Variants in SLCO2B1 observed in about 807,000 individuals in gnomAD.
SLCO2B1 encodes the protein solute carrier organic anion transporter family member 2B1.
A neutral mutation model predicts 67.3 loss-of-function variants in SLCO2B1; 41 were observed. That is an observed-to-expected ratio of 0.61 (90% confidence interval 0.47 to 0.79). The LOEUF (loss-of-function observed/expected upper bound fraction) is 0.79, where lower values mean the gene tolerates loss of function less well. Among genes scored for constraint, SLCO2B1 ranks in the 30% least tolerant of loss-of-function variants. SLCO2B1 has a pLI of 0.00. For synonymous variants in SLCO2B1, 379 were observed against 381.4 expected (o/e 0.99, Z 0.07); for missense variants, 837 against 920.1 (o/e 0.91, Z 1.17).
chr11:75,169,567 G>A (rs1949935487), intron 5 of SLCO2B1, 99 bp from the exon 6 acceptor site: 1 of 1,239,698 alleles, frequency 8.1e-7, no homozygotes, highest in Non-Finnish European at 1.1e-6. Context: ...TCCCTGACCA[G>A]GGGAGACAGA....
intron 4 of SLCO2B1, among the ~76,000 whole-genome samples, chr11:75,166,502 T>A (rs1438023613): frequency 6.6e-6 from 1 of 152,158 alleles, no homozygotes; most frequent in Non-Finnish European, 1.5e-5. Flanking sequence ...GGATGTCTCT[T>A]ACAGAATGAC....
At chr11:75,162,538 C>T (rs1276195883) in intron 1 of SLCO2B1, 117 bp from the exon 2 acceptor site, 3 of 1,092,154 alleles carry the variant, frequency 2.7e-6, no homozygotes, top group Non-Finnish European at 3.9e-6. Flanking sequence ...TCTCATCAAC[C>T]ACTAAGAACT....
At chr11:75,190,784 C>T (rs1945010447) in intron 8 of SLCO2B1, among the ~76,000 whole-genome samples, 1 of 152,146 alleles carries the variant, frequency 6.6e-6, no homozygotes, top group African/African-American at 2.4e-5. Context: ...TGGCCTCTAG[C>T]TGGGTGAGGC....
chr11:75,159,998 C>G (rs981914475), intron 1 of SLCO2B1: 2 of 344,506 alleles, frequency 5.8e-6, no homozygotes, highest in Non-Finnish European at 8.2e-6. Flanking sequence ...ACCAGTATAC[C>G]CAGGAAGCTA....
chr11:75,181,608 A>G (rs558917030), intron 7 of SLCO2B1, among the ~76,000 whole-genome samples: 1 of 152,178 alleles, frequency 6.6e-6, no homozygotes, highest in African/African-American at 2.4e-5. Context: ...CCCTGGACAA[A>G]GCCTTCTTTT....
intron 6 of SLCO2B1, 66 bp from the exon 7 acceptor site, chr11:75,172,313 G>A (rs1184846153): frequency 6.8e-7 from 1 of 1,469,044 alleles, no homozygotes; most frequent in Non-Finnish European, 9.3e-7. Flanking sequence ...GCCAGTCCCA[G>A]GATGGCGGCT....
At chr11:75,202,619 G>A in intron 11 of SLCO2B1, 1 of 454,274 alleles carries the variant, frequency 2.2e-6, no homozygotes, top group Non-Finnish European at 4.0e-6. Flanking sequence ...GGGACCAGTG[G>A]GTGGAGGAAG....
intron 11 of SLCO2B1, chr11:75,202,523 G>A (rs1192083174): frequency 1.6e-5 from 4 of 242,484 alleles, no homozygotes; most frequent in East Asian, 8.6e-5. Flanking sequence ...AGGAGCTGGC[G>A]TTACAGTGGT....
intron 8 of SLCO2B1, among the ~76,000 whole-genome samples, chr11:75,192,360 G>T (rs934729766): frequency 6.6e-6 from 1 of 152,152 alleles, no homozygotes; most frequent in Non-Finnish European, 1.5e-5. Context: ...GAAGGCTTAC[G>T]TTCTGGTAGG....
At chr11:75,187,335 G>A (rs1944952490) in intron 7 of SLCO2B1, among the ~76,000 whole-genome samples, 5 of 152,120 alleles carry the variant, frequency 3.3e-5, no homozygotes, top group Non-Finnish European at 5.9e-5. Context: ...CACATGGGCC[G>A]TTCCCACCCA....
intron 7 of SLCO2B1, among the ~76,000 whole-genome samples, chr11:75,176,184 A>G (rs905337228): frequency 2.6e-5 from 4 of 152,114 alleles, no homozygotes; most frequent in African/African-American, 7.2e-5. Flanking sequence ...GGGCTCCCTG[A>G]CAGATTCTTC....
intron 9 of SLCO2B1, 77 bp from the exon 10 acceptor site, chr11:75,196,437 A>T (rs1484297138): frequency 6.9e-7 from 1 of 1,451,690 alleles, no homozygotes; most frequent in African/African-American, 1.4e-5. Context: ...GCTCTCGGCT[A>T]CAGGGCCGAG....
At chr11:75,196,834 A>G (rs936928850) in intron 10 of SLCO2B1, among the ~76,000 whole-genome samples, 155 bp downstream of exon 10, 7 of 152,198 alleles carry the variant, frequency 4.6e-5, no homozygotes, top group Admixed American at 2.0e-4. Context: ...TTATTCTCAC[A>G]ATAAGCTTTC....
At chr11:75,185,944 C>G (rs981717053) in intron 7 of SLCO2B1, among the ~76,000 whole-genome samples, 4 of 152,152 alleles carry the variant, frequency 2.6e-5, no homozygotes, top group Non-Finnish European at 5.9e-5. Flanking sequence ...AGACATGGGG[C>G]TATCAGGACA....
At chr11:75,199,319 T>TGCC (rs1945148438) in intron 10 of SLCO2B1, among the ~76,000 whole-genome samples, 1 of 152,156 alleles carries the variant, frequency 6.6e-6, no homozygotes, top group South Asian at 2.1e-4. Flanking sequence ...CACTCTCTCT[T>TGCC]GCCTTTGTCT....
At chr11:75,159,597 C>A (rs754154173) in intron 1 of SLCO2B1, among the ~76,000 whole-genome samples, 20 of 152,190 alleles carry the variant, frequency 1.3e-4, no homozygotes, top group Non-Finnish European at 2.9e-4. Flanking sequence ...GCTGTCAGCG[C>A]GTCAGCAGAG....
rs1252067023 is a variant in SLCO2B1, at chr11:75,196,507, C to T, written c.1434-7C>T. The T allele has an allele frequency of 6.2e-7, 1 of 1,611,840 alleles. No individual in the cohort carries two copies. Among genetic ancestry groups the T allele is most frequent in the African/African-American group, 1.3e-5 (1 of 74,916 alleles). ...AGGCCAACCCTACTGGTCTTCTCTC[C>T]CACCAGTGCCCACCCTGGGCTGGAG... is the stretch of plus-strand genomic sequence containing the variant. On this transcript the variant is annotated splice_region_variant and splice_polypyrimidine_tract_variant and intron_variant, in intron 9 of 13. Transcript: ENST00000289575.
At position 75,206,512 on chromosome 11, in the gene SLCO2B1, T is replaced by C. The variant is rs1352228389; in HGVS notation, c.*1932T>C. 1.3e-5 allele frequency: 2 copies of C among 152,236 alleles called. No individual in the cohort carries two copies. Among genetic ancestry groups the C allele is most frequent in the Admixed American group, 1.3e-4 (2 of 15,288 alleles). 9.4% of individuals were successfully genotyped at this position (152,236 alleles called of 1,614,324 possible). On this transcript the variant is annotated 3_prime_UTR_variant, in exon 14 of 14. Coordinates refer to ENST00000289575, the MANE Select transcript of SLCO2B1 (RefSeq NM_007256.5). ...CCTGTCCAAATTGTCATTCACATTT[T>C]ATAGAAGAGGAAACTGGCTCAGAAA... is the stretch of plus-strand genomic sequence containing the variant.
At position 75,193,974 on chromosome 11, in the gene SLCO2B1, C is replaced by T. The variant is rs554185057; in HGVS notation, c.1433+399C>T. On this transcript the variant is annotated intron_variant, in intron 9 of 13. Coordinates refer to ENST00000289575, the MANE Select transcript of SLCO2B1 (RefSeq NM_007256.5). The surrounding 1 kb of genome is among the most constrained non-coding windows in gnomAD (Gnocchi z 4.2). ...GAGGAATGGCCTGCCCAGGAGGAAG[C>T]ATGCTCTCCATCCTGGGGACGAGAG... Among the ~76,000 whole-genome samples, 33 of 152,258 alleles carry T rather than the reference C, an allele frequency of 2.2e-4. 2 individuals carry two copies. In the South Asian group the frequency reaches 6.6e-3, roughly 31 times the overall value.
Sources: gnomAD v4.1 joint callset for allele counts (sites outside exome capture counted in the v4.1 genomes callset) on GRCh38, gnomAD v4.1.1 for gene constraint, Gnocchi (gnomAD v3.1) non-coding constraint, MANE v1.5 for transcripts, NCBI Gene and HGNC (gene_info 2026-07-23, HGNC 2026-07-21) for gene names.